Variants in TRDN observed in about 807,000 individuals in gnomAD.
The protein encoded by TRDN is triadin.
Under a neutral mutation model 149.7 loss-of-function variants are expected in TRDN, and 161 were observed. That is an observed-to-expected ratio of 1.08 (90% CI 0.95 to 1.23). TRDN has a LOEUF of 1.23. Among genes scored for constraint, TRDN ranks in the 50% most tolerant of loss-of-function variants. The probability of loss-of-function intolerance (pLI) is 0.00; values close to 1 mark genes in which losing one functional copy is unlikely to be tolerated. For synonymous variants in TRDN, 294 were observed against 250.5 expected, an observed-to-expected ratio of 1.17 and a Z score of -1.64; for missense variants, 896 against 823.5, an observed-to-expected ratio of 1.09 and a Z score of -1.08.
chr6:123,484,307 A>G (rs1430289583), intron 9 of TRDN, among the ~76,000 whole-genome samples: 1 of 152,162 alleles, frequency 6.6e-6, no homozygotes, highest in African/African-American at 2.4e-5. Flanking sequence ...ATTTATGGAA[A>G]TGGTTAGAAA....
At chr6:123,356,480 A>G (rs1388192976) in intron 20 of TRDN, among the ~76,000 whole-genome samples, 2 of 141,380 alleles carry the variant, frequency 1.4e-5, no homozygotes, top group African/African-American at 5.2e-5. Flanking sequence ...GTTTAGACCT[A>G]TGCCTCTAGG....
intron 8 of TRDN, among the ~76,000 whole-genome samples, chr6:123,500,866 A>T (rs982155096): frequency 2.0e-5 from 3 of 152,164 alleles, no homozygotes; most frequent in Non-Finnish European, 4.4e-5. Flanking sequence ...GCCTGCCACA[A>T]ATATCAAATA....
chr6:123,463,643 AG>A (rs1776613040), intron 10 of TRDN, among the ~76,000 whole-genome samples: 1 of 152,120 alleles, frequency 6.6e-6, no homozygotes, highest in Non-Finnish European at 1.5e-5. Flanking sequence ...TATTATTTAT[AG>A]GGGTTGTCTT....
Position 123,548,467 on chromosome 6 carries a change from T to G in TRDN, c.378A>C (p.Glu126Asp). ...SEDEEDDDGD[E>D]DTDKGEIDEP... ...TGTTCTTTGTACCTTTATCAGTATC[T>G]TCGTCACCATCATCATCTTCTTCAT... is the stretch of plus-strand genomic sequence containing the variant. The change falls in exon 3 of 41, where the codon GAA (glutamate) becomes GAC (aspartate). Residue 126 changes from glutamate (E) to aspartate (D), a missense_variant. Glu to Asp is a conservative substitution (Grantham distance 45, BLOSUM62 2). Coordinates refer to ENST00000334268, the MANE Select transcript of TRDN (RefSeq NM_006073.4). 1 of 1,567,612 alleles carries G rather than the reference T, an allele frequency of 6.4e-7. No individual in the cohort carries two copies. Among genetic ancestry groups the G allele is most frequent in the East Asian group, 2.3e-5 (1 of 43,940 alleles).
At chr6:123,486,366 T>A (rs1188998474) in intron 9 of TRDN, among the ~76,000 whole-genome samples, 1 of 151,934 alleles carries the variant, frequency 6.6e-6, no homozygotes, top group Non-Finnish European at 1.5e-5. Flanking sequence ...GCCAATCTAT[T>A]TTTGCAGTCT....
intron 10 of TRDN, among the ~76,000 whole-genome samples, chr6:123,440,102 T>C (rs1050079724): frequency 2.0e-5 from 3 of 152,182 alleles, no homozygotes; most frequent in South Asian, 2.1e-4. Flanking sequence ...TCTTATTAAA[T>C]AGAGGAATTA....
chr6:123,551,792 A>T (rs1583230142), intron 2 of TRDN, among the ~76,000 whole-genome samples: 1 of 152,172 alleles, frequency 6.6e-6, no homozygotes, highest in Non-Finnish European at 1.5e-5. Flanking sequence ...TTAGGCCATC[A>T]AAACAAGATT....
At chr6:123,566,436 A>G (rs1013945652) in intron 2 of TRDN, among the ~76,000 whole-genome samples, 1 of 152,204 alleles carries the variant, frequency 6.6e-6, no homozygotes, top group East Asian at 1.9e-4. Flanking sequence ...AATTCTGAAA[A>G]TAGGGGGAAT....
At chr6:123,386,041 C>T (rs1222482426) in intron 14 of TRDN, among the ~76,000 whole-genome samples, 13 of 152,164 alleles carry the variant, frequency 8.5e-5, no homozygotes, top group South Asian at 2.1e-4. Context: ...ATTACTGGTG[C>T]GTGCATAGAA....
At chr6:123,522,229 A>G (rs190439061) in intron 5 of TRDN, among the ~76,000 whole-genome samples, 56 of 152,274 alleles carry the variant, frequency 3.7e-4, no homozygotes, top group African/African-American at 1.3e-3. Context: ...CTACCGGGCC[A>G]TCCTATTGTC....
chr6:123,309,715 G>T (rs545474522), intron 24 of TRDN, among the ~76,000 whole-genome samples: 1 of 151,492 alleles, frequency 6.6e-6, no homozygotes, highest in Non-Finnish European at 1.5e-5. Flanking sequence ...GGGGAGGTTT[G>T]CAACAATTTG....
chr6:123,518,056 T>A (rs1779496451), intron 5 of TRDN, among the ~76,000 whole-genome samples: 1 of 152,192 alleles, frequency 6.6e-6, no homozygotes, highest in Non-Finnish European at 1.5e-5. Flanking sequence ...TATCGTCTAG[T>A]TAAATTCTAT....
intron 24 of TRDN, among the ~76,000 whole-genome samples, chr6:123,291,105 C>T (rs4590291): frequency 0.52 from 78,860 of 151,588 alleles, 20,979 homozygotes; most frequent in Admixed American, 0.59. Context: ...TTCAGTGAGC[C>T]GAGACTGCAC....
At chr6:123,334,580 A>G (rs1562266464) in intron 22 of TRDN, among the ~76,000 whole-genome samples, 1 of 152,094 alleles carries the variant, frequency 6.6e-6, no homozygotes, top group Non-Finnish European at 1.5e-5. Context: ...CTGGATGGTC[A>G]AGACCTCAAA....
chr6:123,274,992 T>C (rs1777323124), intron 26 of TRDN, among the ~76,000 whole-genome samples: 1 of 152,172 alleles, frequency 6.6e-6, no homozygotes, highest in South Asian at 2.1e-4. Context: ...ATCTAAATTT[T>C]CTACTTTTTT....
chr6:123,438,190 G>T, intron 11 of TRDN, 68 bp from the exon 12 acceptor site: 1 of 1,104,486 alleles, frequency 9.1e-7, no homozygotes, highest in Non-Finnish European at 1.3e-6. Flanking sequence ...GGGCATGCAT[G>T]ACTACCAGTG....
chr6:123,627,485 G>A (rs539820894), intron 1 of TRDN, among the ~76,000 whole-genome samples: 1 of 152,202 alleles, frequency 6.6e-6, no homozygotes, highest in East Asian at 1.9e-4. Flanking sequence ...TGTCATGCAG[G>A]CTTTATTATC....
At chr6:123,385,504 C>T (rs966832652) in intron 14 of TRDN, among the ~76,000 whole-genome samples, 2 of 151,900 alleles carry the variant, frequency 1.3e-5, no homozygotes, top group African/African-American at 2.4e-5. Flanking sequence ...TTCTGATAGC[C>T]TACTAGTGCT....
At chr6:123,366,076 A>T in intron 20 of TRDN, 59 bp downstream of exon 20, 1 of 1,463,776 alleles carries the variant, frequency 6.8e-7, no homozygotes, top group Non-Finnish European at 9.5e-7. Context: ...ATACATTGTT[A>T]GAAACCTTAG....
Sources: gnomAD v4.1 joint callset for allele counts (sites outside exome capture counted in the v4.1 genomes callset) on GRCh38, gnomAD v4.1.1 for gene constraint, MANE v1.5 for transcripts, NCBI Gene and HGNC (gene_info 2026-07-23, HGNC 2026-07-21) for gene names.